Variants in MARCHF10 observed in about 807,000 individuals in gnomAD.
MARCHF10 encodes membrane associated ring-CH-type finger 10.
MARCHF10 carries 64 observed loss-of-function variants against 76.2 expected under a neutral mutation model. The observed-to-expected ratio is 0.84, with a 90% CI of 0.69 to 1.03. The LOEUF is 1.03. Ranked by LOEUF, MARCHF10 falls within the 50% of genes least tolerant of loss-of-function variation. MARCHF10 has a pLI of 0.00. For missense variants in MARCHF10, 875 were observed against 958.0 expected, an observed-to-expected ratio of 0.91 and a Z score of 1.14; for synonymous variants, 340 against 357.5, an observed-to-expected ratio of 0.95 and a Z score of 0.55.
chr17:62,744,607 C>A, intron 4 of MARCHF10, 79 bp from the exon 5 acceptor site: 1 of 1,523,026 alleles, frequency 6.6e-7, no homozygotes, highest in Non-Finnish European at 8.9e-7. Context: ...TCAAAGGGCC[C>A]AGCAATGTTT....
chr17:62,749,747 C>T (rs1183156589), intron 4 of MARCHF10, among the ~76,000 whole-genome samples: 2 of 152,188 alleles, frequency 1.3e-5, no homozygotes, highest in African/African-American at 2.4e-5. Context: ...ATGTAAACAT[C>T]GGCTGAGCCT....
chr17:62,790,070 A>C (rs893782544), intron 2 of MARCHF10, among the ~76,000 whole-genome samples: 5 of 152,220 alleles, frequency 3.3e-5, no homozygotes, highest in African/African-American at 4.8e-5. Flanking sequence ...ATTAAAATAA[A>C]ATCTGGTACC....
chr17:62,750,852 C>T (rs1024481829), intron 4 of MARCHF10, among the ~76,000 whole-genome samples: 18 of 152,156 alleles, frequency 1.2e-4, no homozygotes, highest in African/African-American at 4.3e-4. Context: ...GGGCCTTTCT[C>T]GTCTCCCACT....
In MARCHF10 at chr17:62,736,205, CCT is replaced by C; in HGVS notation, c.1661_1662del (p.Gln554ArgfsTer60). Reference sequence around the variant, plus strand: ...AAGAGATCTGTATATAGTGGAGCCCCCTGAGGCTGGCTTGTTAAAGTAGTATC... The same window carrying C: ...AAGAGATCTGTATATAGTGGAGCCCCGAGGCTGGCTTGTTAAAGTAGTATC... Reference protein sequence around the residue: ...AEDTTLTSQPQGAPLYTDLLL... With the variant: ...AEDTTLTSQPXGAPLYTDLLL... On this transcript the variant is annotated frameshift_variant, in exon 6 of 11. Coordinates refer to ENST00000311269, the MANE Select transcript of MARCHF10 (RefSeq NM_152598.4). LOFTEE classifies it high-confidence loss of function. The C allele has an allele frequency of 6.2e-7, 1 of 1,614,136 alleles. No homozygotes were observed. The highest frequency in any genetic ancestry group is 8.5e-7 in the Non-Finnish European group (1 of 1,180,032).
intron 8 of MARCHF10, among the ~76,000 whole-genome samples, chr17:62,717,949 C>G (rs182136090): frequency 2.6e-5 from 4 of 152,280 alleles, no homozygotes; most frequent in Admixed American, 2.6e-4. Context: ...ATGGATGTGA[C>G]CCAGTGGGGC....
intron 4 of MARCHF10, among the ~76,000 whole-genome samples, chr17:62,759,609 G>A (rs1273728801): frequency 6.6e-6 from 1 of 152,116 alleles, no homozygotes; most frequent in Non-Finnish European, 1.5e-5. Flanking sequence ...CTCCCGAGTA[G>A]CTGGGATTAC....
At chr17:62,740,751 T>C (rs1397685778) in intron 5 of MARCHF10, among the ~76,000 whole-genome samples, 2 of 152,008 alleles carry the variant, frequency 1.3e-5, no homozygotes, top group Non-Finnish European at 2.9e-5. Flanking sequence ...CTCAGCCTCC[T>C]GAGTAGCTGG....
chr17:62,792,817 C>T (rs879393379), intron 2 of MARCHF10, among the ~76,000 whole-genome samples: 3 of 141,446 alleles, frequency 2.1e-5, no homozygotes, highest in Non-Finnish European at 3.1e-5. Flanking sequence ...ATCACCACCA[C>T]CACCACCTCC....
intron 7 of MARCHF10, 50 bp downstream of exon 7, chr17:62,724,888 A>G (rs2090674820): frequency 1.9e-6 from 3 of 1,600,360 alleles, no homozygotes; most frequent in East Asian, 2.3e-5. Context: ...GTGGTGCCTC[A>G]TGTTAATTAC....
chr17:62,768,377 G>A (rs891361458), intron 3 of MARCHF10, among the ~76,000 whole-genome samples: 2 of 152,134 alleles, frequency 1.3e-5, no homozygotes, highest in Non-Finnish European at 2.9e-5. Context: ...AATTAGCCGG[G>A]CATGGTGGCA....
chr17:62,771,574 A>ATTTTTTTT (rs1207861655), intron 3 of MARCHF10, among the ~76,000 whole-genome samples: 1 of 126,276 alleles, frequency 7.9e-6, no homozygotes. Flanking sequence ...GTCAATATCT[A>ATTTTTTTT]TTTTTTTTTT....
intron 9 of MARCHF10, among the ~76,000 whole-genome samples, chr17:62,709,645 T>C (rs2089803757): frequency 6.6e-6 from 1 of 152,242 alleles, no homozygotes; most frequent in Admixed American, 6.5e-5. Flanking sequence ...TTGCTCAATG[T>C]TACCATCAGA....
chr17:62,753,665 C>T (rs934936312), intron 4 of MARCHF10, among the ~76,000 whole-genome samples: 1 of 152,206 alleles, frequency 6.6e-6, no homozygotes, highest in African/African-American at 2.4e-5. Context: ...GTACCTGCTG[C>T]CAGGCACATC....
At chr17:62,740,777 C>T (rs958106497) in intron 5 of MARCHF10, among the ~76,000 whole-genome samples, 1 of 152,078 alleles carries the variant, frequency 6.6e-6, no homozygotes, top group East Asian at 1.9e-4. Flanking sequence ...CAGGTGCATG[C>T]CACCACACCT....
chr17:62,788,409 A>G (rs779065164), intron 3 of MARCHF10, 71 bp downstream of exon 3: 29 of 1,550,280 alleles, frequency 1.9e-5, no homozygotes, highest in Non-Finnish European at 2.5e-5. Context: ...CCTACATCAC[A>G]CACACACACA....
chr17:62,804,255 G>A (rs187968530), intron 1 of MARCHF10, among the ~76,000 whole-genome samples: 5 of 152,262 alleles, frequency 3.3e-5, no homozygotes, highest in East Asian at 3.9e-4. Context: ...TGCGGCAAAC[G>A]GAGATGTCAA....
At chr17:62,716,813 C>T (rs2090228018) in intron 8 of MARCHF10, among the ~76,000 whole-genome samples, 1 of 152,120 alleles carries the variant, frequency 6.6e-6, no homozygotes, top group Non-Finnish European at 1.5e-5. Flanking sequence ...TTTGGTTTTG[C>T]CCCTTTTTTG....
At chr17:62,785,175 G>T (rs1346446918) in intron 3 of MARCHF10, among the ~76,000 whole-genome samples, 2 of 152,106 alleles carry the variant, frequency 1.3e-5, no homozygotes. Context: ...TACCAAAACA[G>T]ATATATAGAC....
intron 3 of MARCHF10, among the ~76,000 whole-genome samples, chr17:62,768,214 C>T (rs1423962071): frequency 2.0e-5 from 3 of 152,156 alleles, no homozygotes; most frequent in Non-Finnish European, 4.4e-5. Context: ...ATTACTCTAA[C>T]ATAGAATTGT....
Sources: gnomAD v4.1 joint callset for allele counts (sites outside exome capture counted in the v4.1 genomes callset) on GRCh38, gnomAD v4.1.1 for gene constraint, MANE v1.5 for transcripts, NCBI Gene and HGNC (gene_info 2026-07-23, HGNC 2026-07-21) for gene names.